The following SAMD5 variants were observed in gnomAD, a reference collection of about 807,000 sequenced individuals.
The protein encoded by SAMD5 is sterile alpha motif domain containing 5, also known as sterile alpha motif domain-containing protein 5.
Under a neutral mutation model 11.3 loss-of-function variants are expected in SAMD5, and 13 were observed. That is an observed-to-expected ratio of 1.15 (90% CI 0.75 to 1.83). SAMD5 has a LOEUF of 1.83. Ranked by LOEUF, SAMD5 falls within the 40% of genes most tolerant of loss-of-function variation. The probability of loss-of-function intolerance (pLI) is 0.00; values close to 1 mark genes in which losing one functional copy is unlikely to be tolerated. For missense variants in SAMD5, 255 were observed against 239.1 expected, an observed-to-expected ratio of 1.07 and a Z score of -0.44; for synonymous variants, 129 against 111.3, an observed-to-expected ratio of 1.16 and a Z score of -1.00.
chr6:147,819,244 G>T, the SAMD5 span, among the ~76,000 whole-genome samples: 1 of 152,088 alleles, frequency 6.6e-6, no homozygotes, highest in South Asian at 2.1e-4. Context: ...ACTAAATACT[G>T]CATATTCTCA....
the SAMD5 span, among the ~76,000 whole-genome samples, chr6:147,872,425 C>T: frequency 3.3e-5 from 5 of 152,204 alleles, no homozygotes; most frequent in African/African-American, 7.2e-5. Context: ...TAAACTTGCT[C>T]TATGCCAAGC....
chr6:147,921,296 C>T, the SAMD5 span, among the ~76,000 whole-genome samples: 1 of 151,778 alleles, frequency 6.6e-6, no homozygotes, highest in Non-Finnish European at 1.5e-5. Flanking sequence ...CACACACACA[C>T]ACACACACAC....
chr6:147,718,310 C>T (rs894525464), intron 1 of SAMD5, among the ~76,000 whole-genome samples: 3 of 152,068 alleles, frequency 2.0e-5, no homozygotes, highest in African/African-American at 7.2e-5. Flanking sequence ...GGAAAAACCG[C>T]CTAAATCACA....
At chr6:147,714,225 T>C (rs1421362887) in intron 1 of SAMD5, among the ~76,000 whole-genome samples, 2 of 152,182 alleles carry the variant, frequency 1.3e-5, no homozygotes, top group Non-Finnish European at 2.9e-5. Context: ...TTTTTATTAC[T>C]GAAGAGTAAA....
the SAMD5 span, among the ~76,000 whole-genome samples, chr6:147,816,301 A>AAAAAAAAAAAAAATATACAT: frequency 1.5e-5 from 1 of 66,364 alleles, no homozygotes; most frequent in Non-Finnish European, 2.4e-5. Flanking sequence ...AAAAAAAAAA[A>AAAAAAAAAAAAAATATACAT]ATATATATAT....
chr6:147,632,415 A>G (rs1454297852), intron 1 of SAMD5, among the ~76,000 whole-genome samples: 3 of 152,176 alleles, frequency 2.0e-5, no homozygotes, highest in Non-Finnish European at 4.4e-5. Flanking sequence ...AGTTAAGGCA[A>G]TGAGTTCGGC....
intron 1 of SAMD5, among the ~76,000 whole-genome samples, chr6:147,549,034 T>C (rs1788727557): frequency 6.6e-6 from 1 of 152,162 alleles, no homozygotes; most frequent in Non-Finnish European, 1.5e-5. Context: ...TCACAATGAC[T>C]GGCAGTGATC....
chr6:147,658,020 A>G (rs1790595149), intron 1 of SAMD5, among the ~76,000 whole-genome samples: 1 of 152,222 alleles, frequency 6.6e-6, no homozygotes, highest in African/African-American at 2.4e-5. Flanking sequence ...TCCAAATAAA[A>G]TATCTTTAAA....
chr6:147,909,632 CTCTTTCTTG>C, the SAMD5 span, among the ~76,000 whole-genome samples: 23 of 61,174 alleles, frequency 3.8e-4, 2 homozygotes, highest in African/African-American at 2.5e-3. Context: ...TTCTTTCTTT[CTCTTTCTTG>C]TCTTTTGTAC....
intron 1 of SAMD5, among the ~76,000 whole-genome samples, chr6:147,533,637 A>G (rs548740311): frequency 6.6e-6 from 1 of 151,976 alleles, no homozygotes; most frequent in African/African-American, 2.4e-5. Context: ...TAAAACCTAG[A>G]GGATGTGTGT....
intron 1 of SAMD5, among the ~76,000 whole-genome samples, chr6:147,712,415 G>T (rs1015712965): frequency 6.6e-6 from 1 of 152,170 alleles, no homozygotes; most frequent in African/African-American, 2.4e-5. Context: ...TTACAGATGA[G>T]AAATTAATCC....
the SAMD5 span, among the ~76,000 whole-genome samples, chr6:147,842,898 C>T: frequency 6.6e-6 from 1 of 152,120 alleles, no homozygotes; most frequent in Non-Finnish European, 1.5e-5. Flanking sequence ...GAGTCTCTGC[C>T]ACCCAGGCTG....
At chr6:147,533,462 CAAAAA>C (rs57455955) in intron 1 of SAMD5, among the ~76,000 whole-genome samples, 1 of 89,502 alleles carries the variant, frequency 1.1e-5, no homozygotes. Flanking sequence ...AATTCCATCT[CAAAAA>C]AAAAAAAAAA....
the SAMD5 span, among the ~76,000 whole-genome samples, chr6:147,802,052 T>G: frequency 1.2e-3 from 184 of 152,232 alleles, 1 homozygote; most frequent in African/African-American, 4.3e-3. Flanking sequence ...AGGAAAAAAC[T>G]GATAAACTAA....
chr6:147,782,355 C>T, the SAMD5 span, among the ~76,000 whole-genome samples: 4 of 152,132 alleles, frequency 2.6e-5, no homozygotes, highest in Non-Finnish European at 5.9e-5. Context: ...CTCATCTATC[C>T]CGTATAAATG....
rs1789010656 is a variant in SAMD5, at chr6:147,564,785, C to CATTTG, written c.*331_*335dup. 12 of 1,011,828 alleles carry CATTTG rather than the reference C, an allele frequency of 1.2e-5. No homozygotes were observed. Among genetic ancestry groups the CATTTG allele is most frequent in the Non-Finnish European group, 1.4e-5 (12 of 846,800 alleles). 62.7% of individuals were successfully genotyped at this position (1,011,828 alleles called of 1,614,324 possible). ...TGAAAACAGATGAGGTTGGCTAAGGCATTTGAGTCATAACTTAGTTTAAGT... is the reference window on the plus strand; with the variant it reads ...TGAAAACAGATGAGGTTGGCTAAGGCATTTGATTTGAGTCATAACTTAGTTTAAGT... On this transcript the variant is annotated 3_prime_UTR_variant, in exon 2 of 2. Coordinates refer to ENST00000367474, the MANE Select transcript of SAMD5 (RefSeq NM_001030060.3).
chr6:147,645,514 T>C (rs1208198532), intron 1 of SAMD5, among the ~76,000 whole-genome samples: 1 of 152,180 alleles, frequency 6.6e-6, no homozygotes, highest in Non-Finnish European at 1.5e-5. Context: ...ATACACTTAC[T>C]GCAGATTCAG....
At chr6:147,741,771 G>A (rs370721558), downstream of SAMD5, 2 of 152,196 alleles carry the variant, frequency 1.3e-5, no homozygotes, top group African/African-American at 4.8e-5. Flanking sequence ...GTGTTACCAC[G>A]AAACACAATT....
At chr6:147,876,430 G>A in the SAMD5 span, among the ~76,000 whole-genome samples, 11 of 152,250 alleles carry the variant, frequency 7.2e-5, no homozygotes, top group Admixed American at 5.9e-4. Context: ...AATGAATTAC[G>A]GTCTTCAGGG....
Sources: allele counts gnomAD v4.1 joint callset (sites outside exome capture counted in the v4.1 genomes callset), GRCh38; gene constraint gnomAD v4.1.1; transcripts MANE v1.5; gene names NCBI Gene and HGNC (gene_info 2026-07-23, HGNC 2026-07-21).